Variants in HAPLN1 observed in about 807,000 individuals in gnomAD.
The protein encoded by HAPLN1 is Cartilage link protein.
HAPLN1 carries 13 observed loss-of-function variants against 36.5 expected under a neutral mutation model. That is an observed-to-expected ratio of 0.36 (90% CI 0.23 to 0.57). HAPLN1 has a LOEUF of 0.57. HAPLN1 is among the 20% of genes least tolerant of loss of function. The pLI is 0.83. For synonymous variants in HAPLN1, 202 were observed against 169.8 expected (o/e 1.19, Z -1.48); for missense variants, 407 against 439.7 (o/e 0.93, Z 0.66).
intron 1 of HAPLN1, among the ~76,000 whole-genome samples, chr5:83,678,708 G>C (rs13357548): frequency 0.41 from 62,618 of 151,766 alleles, 13,387 homozygotes; most frequent in African/African-American, 0.5. Context: ...ACAGGAAGAA[G>C]ATATGAGGGG....
intron 1 of HAPLN1, among the ~76,000 whole-genome samples, chr5:83,711,112 A>G (rs1481632721): frequency 6.6e-6 from 1 of 152,130 alleles, no homozygotes; most frequent in Non-Finnish European, 1.5e-5. Flanking sequence ...AGGAGATTTA[A>G]AAAAATATTA....
At chr5:83,665,842 T>C (rs993357409) in intron 2 of HAPLN1, among the ~76,000 whole-genome samples, 7 of 152,210 alleles carry the variant, frequency 4.6e-5, no homozygotes, top group Non-Finnish European at 1.0e-4. Context: ...ACATGGTGAC[T>C]AGTCACTGAC....
In HAPLN1 at chr5:83,639,059, T is replaced by C. The variant is rs1049938495; in HGVS notation, c.*2437A>G. 1.6e-4 allele frequency: 25 copies of C among 152,092 alleles called. No homozygotes were observed. The highest frequency in any genetic ancestry group is 6.0e-4 in the African/African-American group (25 of 41,462). The allele number at this position is 152,092 out of a possible 1,614,324, so 9.4% of individuals were successfully genotyped here. A position where few individuals can be genotyped will look rare whatever the true frequency, so the allele number is the denominator to read the frequency against. ...ATTAGCCAGTGTTGTACCAACTTTC[T>C]GTTAGGAATTGTATTAGAATAACCT... On this transcript the variant is annotated 3_prime_UTR_variant, in exon 5 of 5. Coordinates refer to ENST00000274341, the MANE Select transcript of HAPLN1 (RefSeq NM_001884.4).
intron 3 of HAPLN1, among the ~76,000 whole-genome samples, chr5:83,645,475 C>CTTTTCTTTTTTT (rs1749837470): frequency 1.3e-5 from 1 of 74,370 alleles, no homozygotes; most frequent in African/African-American, 6.2e-5. Context: ...CTTTTTCTTT[C>CTTTTCTTTTTTT]TTTTTTTTTT....
At chr5:83,700,340 A>G (rs1751479806) in intron 1 of HAPLN1, among the ~76,000 whole-genome samples, 1 of 152,166 alleles carries the variant, frequency 6.6e-6, no homozygotes, top group Non-Finnish European at 1.5e-5. Flanking sequence ...GTCATGCCTG[A>G]AGGACCCTTT....
chr5:83,686,622 T>G (rs1339875102), intron 1 of HAPLN1, among the ~76,000 whole-genome samples: 2 of 152,178 alleles, frequency 1.3e-5, no homozygotes, highest in South Asian at 2.1e-4. Context: ...TAATGCTGAC[T>G]AAAATTGTAA....
At chr5:83,647,640 T>G (rs369975474) in intron 3 of HAPLN1, among the ~76,000 whole-genome samples, 73 of 152,266 alleles carry the variant, frequency 4.8e-4, no homozygotes, top group African/African-American at 1.7e-3. Flanking sequence ...AATGGTTGCT[T>G]TTATCCAATG....
chr5:83,648,416 T>C (rs1212810570), intron 3 of HAPLN1, among the ~76,000 whole-genome samples: 2 of 134,736 alleles, frequency 1.5e-5, no homozygotes, highest in African/African-American at 2.8e-5. Flanking sequence ...TATATATATA[T>C]ATATATATAT....
At chr5:83,703,897 A>G (rs1280315232) in intron 1 of HAPLN1, among the ~76,000 whole-genome samples, 1 of 151,238 alleles carries the variant, frequency 6.6e-6, no homozygotes, top group East Asian at 2.0e-4. Flanking sequence ...AATACAGAGA[A>G]CCCCTGCAAG....
At chr5:83,660,277 C>A (rs1750349109) in intron 2 of HAPLN1, among the ~76,000 whole-genome samples, 1 of 152,046 alleles carries the variant, frequency 6.6e-6, no homozygotes, top group African/African-American at 2.4e-5. Context: ...TGATGCTGAT[C>A]ATGAATGGGT....
intron 1 of HAPLN1, among the ~76,000 whole-genome samples, chr5:83,714,656 C>T (rs936624791): frequency 8.5e-5 from 13 of 152,166 alleles, no homozygotes; most frequent in Admixed American, 1.3e-4. Flanking sequence ...GATTCCTGTG[C>T]TTCTCCTATG....
intron 2 of HAPLN1, among the ~76,000 whole-genome samples, chr5:83,654,375 T>A (rs1750156716): frequency 1.3e-5 from 2 of 152,316 alleles, no homozygotes; most frequent in South Asian, 4.1e-4. Flanking sequence ...CCATTCTTGA[T>A]CTCATTATTT....
rs1749577743 is a variant in HAPLN1 at position 83,638,347 on chromosome 5, A to G, written c.*3149T>C. ...TGCCTTTAAATATTGGTTTTCTTTT[A>G]ATCAGGTGGCTTAATAACTTTTGTA... is the stretch of plus-strand genomic sequence containing the variant. On this transcript the variant is annotated 3_prime_UTR_variant, in exon 5 of 5. Transcript: ENST00000274341. 1 of 151,956 alleles carries G rather than the reference A, an allele frequency of 6.6e-6. No homozygotes were observed. 9.4% of individuals were successfully genotyped at this position (151,956 alleles called of 1,614,324 possible).
At position 83,651,382 on chromosome 5, in the gene HAPLN1, A is replaced by G. The variant is rs112823761; in HGVS notation, c.472+1071T>C. 4.2e-3 allele frequency among the ~76,000 whole-genome samples: 641 copies of G among 152,302 alleles called. 8 individuals carry two copies. Among genetic ancestry groups the G allele is most frequent in the African/African-American group, 0.014 (568 of 41,552 alleles). On this transcript the variant is annotated intron_variant, in intron 3 of 4. Coordinates refer to ENST00000274341, the MANE Select transcript of HAPLN1 (RefSeq NM_001884.4). ...TAAGTCAACTCCTTCCATCCTGAAT[A>G]ATGCCAATGTTCATGGATATTAATA...
rs972967529 is a variant in HAPLN1 at position 83,639,445 on chromosome 5, C to T, written c.*2051G>A. The T allele has an allele frequency of 7.9e-5, 12 of 151,984 alleles. No homozygotes were observed. Among genetic ancestry groups the T allele is most frequent in the African/African-American group, 2.7e-4 (11 of 41,426 alleles). The allele number at this position is 151,984 out of a possible 1,614,324, so 9.4% of individuals were successfully genotyped here. A position where few individuals can be genotyped will look rare whatever the true frequency, so the allele number is the denominator to read the frequency against. On this transcript the variant is annotated 3_prime_UTR_variant, in exon 5 of 5. Transcript: ENST00000274341. ...TTATAAAGTAGAGTTCTGGACATAA[C>T]TGAAAATTAGATGTTTGCTTCAATA...
intron 2 of HAPLN1, among the ~76,000 whole-genome samples, chr5:83,663,639 C>T (rs1750472453): frequency 6.6e-6 from 1 of 152,132 alleles, no homozygotes; most frequent in Non-Finnish European, 1.5e-5. Flanking sequence ...AGTCCCTCCT[C>T]CCTCGCCCAA....
At chr5:83,648,775 T>C (rs938473484) in intron 3 of HAPLN1, among the ~76,000 whole-genome samples, 1 of 152,030 alleles carries the variant, frequency 6.6e-6, no homozygotes, top group African/African-American at 2.4e-5. Flanking sequence ...CATGTAAGGA[T>C]GTCATTGATA....
intron 1 of HAPLN1, among the ~76,000 whole-genome samples, chr5:83,684,112 C>A (rs569031565): frequency 6.6e-6 from 1 of 152,142 alleles, no homozygotes; most frequent in African/African-American, 2.4e-5. Flanking sequence ...AGAATGGGAG[C>A]AATGACTTGA....
chr5:83,650,632 C>CTTTT (rs5869195), intron 3 of HAPLN1, among the ~76,000 whole-genome samples: 14 of 103,708 alleles, frequency 1.3e-4, no homozygotes, highest in Non-Finnish European at 2.0e-4. Context: ...AAATTCTTTT[C>CTTTT]TTTTTTTTTT....
Sources: gnomAD v4.1 joint callset for allele counts (sites outside exome capture counted in the v4.1 genomes callset) on GRCh38, gnomAD v4.1.1 for gene constraint, MANE v1.5 for transcripts, NCBI Gene and HGNC (gene_info 2026-07-23, HGNC 2026-07-21) for gene names.